MYO3B: variants seen among roughly 807,000 people sequenced by gnomAD.
MYO3B encodes myosin IIIB, also known as myosin-IIIb.
MYO3B carries 156 observed loss-of-function variants against 174.6 expected under a neutral mutation model. The observed-to-expected ratio is 0.89, with a 90% CI of 0.78 to 1.02. The LOEUF (loss-of-function observed/expected upper bound fraction) is 1.02, where lower values mean the gene tolerates loss of function less well. Among genes scored for constraint, MYO3B ranks in the 50% least tolerant of loss-of-function variants. The pLI is 0.00. For missense variants in MYO3B, 1,632 were observed against 1,639.4 expected (o/e 1.00, Z 0.08); for synonymous variants, 563 against 569.1 (o/e 0.99, Z 0.15).
In MYO3B at chr2:170,502,010, C is replaced by T. The variant is rs547261086; in HGVS notation, c.3370+145C>T. 2.8e-5 allele frequency: 17 copies of T among 608,588 alleles called. No homozygotes were observed. The South Asian group carries it at 3.3e-4, about 12-fold the overall frequency. 37.7% of individuals were successfully genotyped at this position (608,588 alleles called of 1,614,324 possible). On this transcript the variant is annotated intron_variant, in intron 28 of 34. Transcript: ENST00000408978. ...GGAGACAGGAGTCCTAGTGTTCTGA[C>T]CCTCCTTGTGTGATAACTATGATGC...
intron 8 of MYO3B, among the ~76,000 whole-genome samples, chr2:170,361,759 T>C (rs2094163204): frequency 6.6e-6 from 1 of 152,158 alleles, no homozygotes; most frequent in South Asian, 2.1e-4. Context: ...CACTTTTACA[T>C]CTCTCTCTCT....
At position 170,178,286 on chromosome 2, in the gene MYO3B, C is replaced by T. The variant is rs962858017; in HGVS notation, c.-2C>T. ...AAGCCGGATTCAGAAAATAGGTCAT[C>T]GATGTGAGTTGCAGTTATTTTCCTT... is the stretch of plus-strand genomic sequence containing the variant. On this transcript the variant is annotated 5_prime_UTR_variant, in exon 1 of 35. Transcript: ENST00000408978. 6.8e-6 allele frequency: 11 copies of T among 1,614,090 alleles called. No homozygotes were observed. Among genetic ancestry groups the T allele is most frequent in the East Asian group, 2.2e-5 (1 of 44,868 alleles).
intron 22 of MYO3B, among the ~76,000 whole-genome samples, chr2:170,423,007 G>A (rs1403198404): frequency 1.0e-5 from 1 of 99,332 alleles, no homozygotes; most frequent in African/African-American, 4.1e-5. Flanking sequence ...TTGAGACAGA[G>A]TTTCACTCCT....
chr2:170,387,240 T>G lies in MYO3B; in HGVS notation c.1509T>G (p.Thr503=), dbSNP rs745965368. 7.4e-6 allele frequency: 12 copies of G among 1,614,146 alleles called. No homozygotes were observed. The Admixed American group carries it at 2.0e-4, about 27-fold the overall frequency. Residue 503 remains threonine, a synonymous_variant, in exon 14 of 35, where the codon ACT becomes ACG. Transcript: ENST00000408978. ...ATCTGGAAATGATGTTTACACCAAC[T>G]GGAGTTGTGATGGGGGCAAGAATCT... ...GKYLEMMFTP[T]GVVMGARISE... is the part of the protein sequence containing the mutation.
chr2:170,627,488 G>T (rs1475119072), intron 32 of MYO3B, among the ~76,000 whole-genome samples: 1 of 152,082 alleles, frequency 6.6e-6, no homozygotes, highest in East Asian at 1.9e-4. Context: ...TCTTTGCGAT[G>T]GGTTCGAACT....
intron 30 of MYO3B, among the ~76,000 whole-genome samples, chr2:170,527,604 G>A (rs1330600802): frequency 6.6e-6 from 1 of 152,096 alleles, no homozygotes; most frequent in African/African-American, 2.4e-5. Flanking sequence ...ATTCTCTCCC[G>A]CTGTCTGCAG....
chr2:170,385,110 G>A (rs1263702053), intron 12 of MYO3B, among the ~76,000 whole-genome samples: 1 of 152,048 alleles, frequency 6.6e-6, no homozygotes, highest in Non-Finnish European at 1.5e-5. Context: ...GGGGCAGGGT[G>A]TATGGGGGGA....
At chr2:170,651,456 A>G (rs1045985662) in intron 32 of MYO3B, among the ~76,000 whole-genome samples, 172 bp from the exon 33 acceptor site, 1 of 152,222 alleles carries the variant, frequency 6.6e-6, no homozygotes, top group Non-Finnish European at 1.5e-5. Flanking sequence ...TACACTTAGC[A>G]ATCTGTGTGT....
At chr2:170,652,881 C>G in intron 34 of MYO3B, 102 bp from the exon 35 acceptor site, 8 of 1,357,526 alleles carry the variant, frequency 5.9e-6, no homozygotes, top group Non-Finnish European at 7.2e-6. Flanking sequence ...GTGTTGGAGC[C>G]CAACCCTGTT....
intron 9 of MYO3B, among the ~76,000 whole-genome samples, chr2:170,379,597 A>T (rs2094321150): frequency 6.6e-6 from 1 of 152,224 alleles, no homozygotes; most frequent in African/African-American, 2.4e-5. Context: ...ATTTAACAAA[A>T]TGGCTAGCTA....
At chr2:170,332,502 T>G (rs561137755) in intron 7 of MYO3B, among the ~76,000 whole-genome samples, 2 of 152,292 alleles carry the variant, frequency 1.3e-5, no homozygotes, top group Non-Finnish European at 2.9e-5. Flanking sequence ...GAATTAGAAT[T>G]TATATTGCCA....
intron 32 of MYO3B, among the ~76,000 whole-genome samples, chr2:170,585,739 A>C (rs1312596875): frequency 6.6e-6 from 1 of 152,106 alleles, no homozygotes; most frequent in Non-Finnish European, 1.5e-5. Flanking sequence ...CAGTTCTTGG[A>C]GTTGGAAACC....
At chr2:170,558,973 A>T (rs1344472652) in intron 32 of MYO3B, among the ~76,000 whole-genome samples, 1 of 152,246 alleles carries the variant, frequency 6.6e-6, no homozygotes, top group African/African-American at 2.4e-5. Flanking sequence ...AGCACTCAAC[A>T]AAAATTTGGT....
chr2:170,318,014 T>A (rs1257852046), intron 7 of MYO3B, among the ~76,000 whole-genome samples: 1 of 152,230 alleles, frequency 6.6e-6, no homozygotes, highest in African/African-American at 2.4e-5. Flanking sequence ...TAGAGTGACC[T>A]TGGATATGTC....
At chr2:170,603,845 A>G (rs911673989) in intron 32 of MYO3B, among the ~76,000 whole-genome samples, 1 of 152,254 alleles carries the variant, frequency 6.6e-6, no homozygotes, top group African/African-American at 2.4e-5. Flanking sequence ...CATGGACCAC[A>G]TAACAATGTT....
intron 1 of MYO3B, among the ~76,000 whole-genome samples, chr2:170,190,968 T>G (rs2105319096): frequency 6.6e-6 from 1 of 152,052 alleles, no homozygotes; most frequent in African/African-American, 2.4e-5. Flanking sequence ...GAGGCCAGCA[T>G]GTCTTTGAAT....
chr2:170,570,381 T>C (rs1337782837), intron 32 of MYO3B, among the ~76,000 whole-genome samples: 1 of 152,220 alleles, frequency 6.6e-6, no homozygotes, highest in African/African-American at 2.4e-5. Context: ...GGAAACCTTA[T>C]ATTATGAGAT....
In MYO3B at chr2:170,630,592, C is replaced by T. The variant is rs1260918765; in HGVS notation, c.3734-21036C>T. ...TGAGCTCTGAGAACAGATAGCCTGC[C>T]TCCTCAAGTGGGTCCCTGACCCCCG... is the stretch of plus-strand genomic sequence containing the variant. On this transcript the variant is annotated intron_variant, in intron 32 of 34. Coordinates refer to ENST00000408978, the MANE Select transcript of MYO3B (RefSeq NM_138995.5). 2.6e-5 allele frequency among the ~76,000 whole-genome samples: 4 copies of T among 152,194 alleles called. No homozygotes were observed. The East Asian group carries it at 7.7e-4, about 29-fold the overall frequency.
chr2:170,473,296 C>T (rs926703194), intron 25 of MYO3B, among the ~76,000 whole-genome samples: 1 of 151,788 alleles, frequency 6.6e-6, no homozygotes, highest in African/African-American at 2.4e-5. Flanking sequence ...GCACCTACCA[C>T]CATGCCCAGC....
Sources: gnomAD v4.1 joint callset for allele counts (sites outside exome capture counted in the v4.1 genomes callset) on GRCh38, gnomAD v4.1.1 for gene constraint, MANE v1.5 for transcripts, NCBI Gene and HGNC (gene_info 2026-07-23, HGNC 2026-07-21) for gene names.